SCN8A: variants seen among roughly 807,000 people sequenced by gnomAD.
SCN8A encodes the protein sodium channel protein type 8 subunit alpha.
SCN8A carries 30 observed loss-of-function variants against 184.1 expected under a neutral mutation model. The ratio of observed to expected loss-of-function variants is 0.16; its 90% CI spans 0.12 to 0.22. The LOEUF is 0.22. SCN8A is among the 10% of genes least tolerant of loss of function. The pLI is 1.00. For synonymous variants in SCN8A, 852 were observed against 907.0 expected, an observed-to-expected ratio of 0.94 and a Z score of 1.09; for missense variants, 1,057 against 2,498.9, an observed-to-expected ratio of 0.42 and a Z score of 12.30.
intron 26 of SCN8A, among the ~76,000 whole-genome samples, chr12:51,803,752 A>G (rs1938618881): frequency 6.7e-6 from 1 of 150,018 alleles, no homozygotes; most frequent in South Asian, 2.1e-4. Context: ...GTTATGATTT[A>G]ATTGAGAAGC....
intron 25 of SCN8A, 116 bp downstream of exon 25, chr12:51,790,618 C>G: frequency 1.5e-6 from 1 of 651,288 alleles, no homozygotes. Flanking sequence ...GCCTAATCCT[C>G]TCCTCACCAC....
chr12:51,605,312 G>T (rs970690623), intron 1 of SCN8A, among the ~76,000 whole-genome samples: 1 of 152,094 alleles, frequency 6.6e-6, no homozygotes, highest in African/African-American at 2.4e-5. Flanking sequence ...CATCCTCATA[G>T]CTTAGCTCCC....
At position 51,706,660 on chromosome 12, in the gene SCN8A, A is replaced by G; in HGVS notation, c.1580A>G (p.Lys527Arg). The change falls in exon 11 of 27, where the codon AAG becomes AGG. Residue 527 changes from lysine (K) to arginine (R), a missense_variant. Transcript: ENST00000627620. ...GAGTCAGAAGATGGCATGAGAAGGA[A>G]GGCCTTTCGGCTGCCAGACAACAGA... The part of the protein sequence containing the change: ...KSESEDGMRR[K>R]AFRLPDNRIG... The G allele has an allele frequency of 3.1e-6, 5 of 1,602,340 alleles. No homozygotes were observed. The highest frequency in any genetic ancestry group is 2.2e-5 in the East Asian group (1 of 44,712).
At chr12:51,683,682 C>A (rs1339566205) in intron 2 of SCN8A, among the ~76,000 whole-genome samples, 1 of 152,194 alleles carries the variant, frequency 6.6e-6, no homozygotes, top group Non-Finnish European at 1.5e-5. Context: ...CTGTGTAGCA[C>A]AGCCTATATG....
At chr12:51,676,963 G>C (rs1271121060) in intron 2 of SCN8A, among the ~76,000 whole-genome samples, 3 of 152,082 alleles carry the variant, frequency 2.0e-5, no homozygotes, top group African/African-American at 7.2e-5. Flanking sequence ...AATATTTCTC[G>C]AAGAAGCTTT....
At chr12:51,629,396 A>G (rs1383740757) in intron 1 of SCN8A, among the ~76,000 whole-genome samples, 4 of 152,110 alleles carry the variant, frequency 2.6e-5, no homozygotes, top group Non-Finnish European at 5.9e-5. Flanking sequence ...CTCTACCACT[A>G]CTTGCCTGTG....
chr12:51,756,698 A>C (rs781330070), intron 14 of SCN8A, among the ~76,000 whole-genome samples: 1 of 152,094 alleles, frequency 6.6e-6, no homozygotes, highest in African/African-American at 2.4e-5. Context: ...GCTGCCCTGC[A>C]TGGACCTCCT....
rs751112057 is a variant in SCN8A, at chr12:51,769,012, G to A, written c.3049G>A (p.Ala1017Thr). ...GGCCTGGACCAAACTAAAGGTGCAC[G>A]CCTTCATGCAGGCCCACTTTAAGCA... ...GVAWTKLKVH[A>T]FMQAHFKQRE... Residue 1017 changes from alanine (A) to threonine (T), a missense_variant, in exon 17 of 27, where the codon GCC becomes ACC. By Grantham distance (58) the Ala-to-Thr change is moderately conservative (BLOSUM62 0). This residue lies in a region of SCN8A where 178 missense variants were observed against 259.6 expected (regional missense o/e 0.69). Transcript: ENST00000627620. 3.1e-6 allele frequency: 5 copies of A among 1,613,876 alleles called. No homozygotes were observed. Among genetic ancestry groups the A allele is most frequent in the African/African-American group, 2.7e-5 (2 of 74,930 alleles).
At position 51,688,004 on chromosome 12, in the gene SCN8A, A is replaced by G. The variant is rs142015248; in HGVS notation, c.614+785A>G. Reference sequence around the variant, plus strand: ...ATTGATCTGAGCATCTGGTGGAAAGATGTATTTCAACTGTAAAATGTGAAT... The same window carrying G: ...ATTGATCTGAGCATCTGGTGGAAAGGTGTATTTCAACTGTAAAATGTGAAT... On this transcript the variant is annotated intron_variant, in intron 5 of 26. Coordinates refer to ENST00000627620, the MANE Select transcript of SCN8A (RefSeq NM_001330260.2). 4.2e-3 allele frequency among the ~76,000 whole-genome samples: 645 copies of G among 152,336 alleles called. 1 individual carries two copies. The highest frequency in any genetic ancestry group is 0.017 in the Middle Eastern group (5 of 294).
At position 51,780,561 on chromosome 12, in the gene SCN8A, C is replaced by CTTTTTTTTTTTTTTT. The variant is rs1565923413; in HGVS notation, c.3820-85_3820-84insTTTTTTTTTTTTTTT. ...TCTAACACTCTGGAACCTCTGTTTT[C>CTTTTTTTTTTTTTTT]TTTCTTTTTTTTTTTTTTTTTTTTT... On this transcript the variant is annotated intron_variant, in intron 20 of 26. Transcript: ENST00000627620. The CTTTTTTTTTTTTTTT allele has an allele frequency of 6.6e-6, 3 of 457,856 alleles. No homozygotes were observed. In the African/African-American group the frequency reaches 3.3e-4, roughly 50 times the overall value. 28.4% of individuals were successfully genotyped at this position (457,856 alleles called of 1,614,324 possible). A position where few individuals can be genotyped will look rare whatever the true frequency, so the allele number is the denominator to read the frequency against.
At chr12:51,718,397 G>A (rs1941999850) in intron 11 of SCN8A, among the ~76,000 whole-genome samples, 4 of 151,534 alleles carry the variant, frequency 2.6e-5, no homozygotes, top group Non-Finnish European at 5.9e-5. Flanking sequence ...GAGGCAGGAG[G>A]ATGCCTTGAG....
chr12:51,602,599 T>C (rs1349958269), intron 1 of SCN8A, among the ~76,000 whole-genome samples: 1 of 152,200 alleles, frequency 6.6e-6, no homozygotes, highest in Admixed American at 6.5e-5. Context: ...GTTAAGATGG[T>C]AAATTTTATG....
intron 1 of SCN8A, among the ~76,000 whole-genome samples, chr12:51,603,568 G>C (rs1939516294): frequency 6.6e-6 from 1 of 152,064 alleles, no homozygotes; most frequent in Non-Finnish European, 1.5e-5. Context: ...AGGATTGCTG[G>C]GTAATATAGT....
chr12:51,649,417 A>T (rs902087935), intron 1 of SCN8A, among the ~76,000 whole-genome samples: 2 of 152,118 alleles, frequency 1.3e-5, no homozygotes, highest in Admixed American at 1.3e-4. Flanking sequence ...TCCCCTCTAC[A>T]CTGCCCTAGC....
rs780010793 is a variant in SCN8A at position 51,769,040 on chromosome 12, G to A, written c.3077G>A (p.Arg1026His). ...TTCATGCAGGCCCACTTTAAGCAGC[G>A]TGAGGCTGATGAGGTGAAGCCTCTG... ...HAFMQAHFKQ[R>H]EADEVKPLDE... The change falls in exon 17 of 27, where the codon CGT becomes CAT. Residue 1026 changes from arginine to histidine, a missense_variant. Physicochemically the swap from Arg to His is conservative, Grantham distance 29 (BLOSUM62 0). Coordinates refer to ENST00000627620, the MANE Select transcript of SCN8A (RefSeq NM_001330260.2). 13 of 1,613,870 alleles carry A rather than the reference G, an allele frequency of 8.1e-6. No homozygotes were observed. Among genetic ancestry groups the A allele is most frequent in the Admixed American group, 6.7e-5 (4 of 59,996 alleles).
Position 51,721,892 on chromosome 12 carries a change from G to A in SCN8A, c.1982G>A (p.Gly661Glu), listed in dbSNP as rs1382534024. 6.2e-7 allele frequency: 1 copy of A among 1,600,610 alleles called. No individual in the cohort carries two copies. The highest frequency in any genetic ancestry group is 2.2e-5 in the East Asian group (1 of 44,864). The change falls in exon 12 of 27, where the codon GGG becomes GAG. Residue 661 changes from glycine (G) to glutamate (E), a missense_variant. Gly to Glu is a moderately conservative substitution (Grantham distance 98, BLOSUM62 -2). Around this residue, in one of 19 missense-constraint regions of SCN8A, gnomAD observed 322 missense variants for 390.1 expected, o/e 0.83. Transcript: ENST00000627620. ...LIGGPGSHIG[G>E]RLLPEATTEV... ...GGCGGCCCCGGCTCCCACATCGGCG[G>A]GCGTCTCCTGCCAGAGGTGAAAATT...
chr12:51,722,396 G>C (rs1478188819), intron 12 of SCN8A: 1 of 163,362 alleles, frequency 6.1e-6, no homozygotes, highest in East Asian at 1.8e-4. Context: ...AACTACCATT[G>C]CTTCTCTTCC....
At chr12:51,617,074 T>G (rs1939856667) in intron 1 of SCN8A, among the ~76,000 whole-genome samples, 1 of 152,190 alleles carries the variant, frequency 6.6e-6, no homozygotes, top group African/African-American at 2.4e-5. Context: ...TCATGATGTT[T>G]TTGCACAAGG....
intron 1 of SCN8A, among the ~76,000 whole-genome samples, chr12:51,650,527 T>G (rs1257496222): frequency 1.1e-4 from 12 of 105,910 alleles, no homozygotes; most frequent in Non-Finnish European, 1.6e-4. Flanking sequence ...TTTTTTTTTT[T>G]GAGACAGAAT....
Sources: gnomAD v4.1 joint callset for allele counts (sites outside exome capture counted in the v4.1 genomes callset) on GRCh38, gnomAD v4.1.1 for gene constraint, gnomAD v4.1.1 regional missense constraint, MANE v1.5 for transcripts, NCBI Gene and HGNC (gene_info 2026-07-23, HGNC 2026-07-21) for gene names.